The following WDR93 variants were observed in gnomAD, a reference collection of about 807,000 sequenced individuals.
The protein encoded by WDR93 is WD repeat domain 93.
WDR93 carries 73 observed loss-of-function variants against 82.9 expected under a neutral mutation model. The ratio of observed to expected loss-of-function variants is 0.88; its 90% CI spans 0.73 to 1.07. The LOEUF is 1.07. Among genes scored for constraint, WDR93 ranks in the 50% least tolerant of loss-of-function variants. The probability of loss-of-function intolerance (pLI) is 0.00; values close to 1 mark genes in which losing one functional copy is unlikely to be tolerated. For missense variants in WDR93, 738 were observed against 826.0 expected (o/e 0.89, Z 1.31); for synonymous variants, 283 against 300.1 (o/e 0.94, Z 0.59).
intron 5 of WDR93, among the ~76,000 whole-genome samples, chr15:89,713,480 GT>G (rs71151526): frequency 0.42 from 63,084 of 149,692 alleles, 13,659 homozygotes; most frequent in African/African-American, 0.48. Flanking sequence ...ATTTTATTTT[GT>G]TTTTTTTTTG....
chr15:89,702,956 A>G lies in WDR93; in HGVS notation c.310A>G (p.Lys104Glu). 1 of 1,613,550 alleles carries G rather than the reference A, an allele frequency of 6.2e-7. No homozygotes were observed. Among genetic ancestry groups the G allele is most frequent in the Non-Finnish European group, 8.5e-7 (1 of 1,179,890 alleles). ...TTTTTCTTTGTTTTCCCAGCTCAAC[A>G]AAATGCCAAATTGTATGGCTGTTTC... Reference protein sequence around the residue: ...YPPLGEIQLNKMPNCMAVSQD... With the variant: ...YPPLGEIQLNEMPNCMAVSQD... Residue 104 changes from lysine to glutamate, a missense_variant, in exon 3 of 17, where the codon AAA (lysine) becomes GAA (glutamate). Lys to Glu is a moderately conservative substitution (Grantham distance 56). Coordinates refer to ENST00000268130, the MANE Select transcript of WDR93 (RefSeq NM_020212.2).
chr15:89,735,746 G>A (rs1391715300), intron 14 of WDR93, among the ~76,000 whole-genome samples, 193 bp downstream of exon 14: 1 of 152,244 alleles, frequency 6.6e-6, no homozygotes, highest in South Asian at 2.1e-4. Context: ...GGAAGACAGA[G>A]AAGTCACCAG....
chr15:89,733,315 C>T (rs908775706), intron 13 of WDR93, 96 bp downstream of exon 13: 2 of 1,163,764 alleles, frequency 1.7e-6, no homozygotes, highest in Admixed American at 2.2e-5. Flanking sequence ...GACTACAGTC[C>T]ACCTTTTGTA....
In WDR93 at chr15:89,715,228, G is replaced by C. The variant is rs1156967376; in HGVS notation, c.756+133G>C. ...GAGGACAACAGGAATATTGGCCCCT[G>C]TCTCCCAAGTCAATTTCCTTTGGTT... On this transcript the variant is annotated intron_variant, in intron 6 of 16. Coordinates refer to ENST00000268130, the MANE Select transcript of WDR93 (RefSeq NM_020212.2). The C allele has an allele frequency of 1.3e-5, 9 of 669,530 alleles. No homozygotes were observed. In the African/African-American group the frequency reaches 1.4e-4, roughly 11 times the overall value. 41.5% of individuals were successfully genotyped at this position (669,530 alleles called of 1,614,324 possible). A position where few individuals can be genotyped will look rare whatever the true frequency, so the allele number is the denominator to read the frequency against.
rs772190130 is a variant in WDR93 at position 89,731,447 on chromosome 15, C to T, written c.1215C>T (p.Pro405=). ...GAGTATTGTCCTTCCCCCTAGACCC[C>T]GAGGGTGTGTGGCCCTGTGCTGCGC... The part of the protein sequence containing the change: ...LNRTLKDKAD[P]EGVWPCAAPI... Residue 405 remains proline, a synonymous_variant, in exon 12 of 17, where the codon CCC becomes CCT. Coordinates refer to ENST00000268130, the MANE Select transcript of WDR93 (RefSeq NM_020212.2). 4.9e-5 allele frequency: 79 copies of T among 1,614,088 alleles called. No homozygotes were observed. Among genetic ancestry groups the T allele is most frequent in the East Asian group, 8.9e-5 (4 of 44,874 alleles).
chr15:89,729,672 C>A lies in WDR93; in HGVS notation c.1124-11C>A, dbSNP rs766245995. 3.7e-6 allele frequency: 6 copies of A among 1,610,524 alleles called. No homozygotes were observed. Among genetic ancestry groups the A allele is most frequent in the African/African-American group, 1.3e-5 (1 of 74,816 alleles). On this transcript the variant is annotated splice_polypyrimidine_tract_variant and intron_variant, in intron 10 of 16. Transcript: ENST00000268130. Reference sequence around the variant, plus strand: ...CACCCATTTTCTGTCTTTCCCCCGCCCCCCCACCAGGAATGGCCTGTGTCC... The same window carrying A: ...CACCCATTTTCTGTCTTTCCCCCGCACCCCCACCAGGAATGGCCTGTGTCC...
intron 1 of WDR93, among the ~76,000 whole-genome samples, chr15:89,693,099 T>A (rs1964984259): frequency 6.6e-6 from 1 of 152,230 alleles, no homozygotes; most frequent in African/African-American, 2.4e-5. Flanking sequence ...TAATTCATTA[T>A]CCATTCACCC....
chr15:89,691,494 G>A (rs1964879825), intron 1 of WDR93, among the ~76,000 whole-genome samples: 2 of 152,218 alleles, frequency 1.3e-5, no homozygotes, highest in East Asian at 3.9e-4. Flanking sequence ...GAGGTGGGCG[G>A]ATCACCTGCG....
At chr15:89,701,324 G>A (rs979639296) in intron 1 of WDR93, among the ~76,000 whole-genome samples, 2 of 152,146 alleles carry the variant, frequency 1.3e-5, no homozygotes, top group Non-Finnish European at 2.9e-5. Context: ...GAGGAGAGTC[G>A]TGGCTCACTG....
intron 1 of WDR93, among the ~76,000 whole-genome samples, chr15:89,694,490 C>T (rs1239436899): frequency 6.6e-6 from 1 of 152,146 alleles, no homozygotes; most frequent in Non-Finnish European, 1.5e-5. Flanking sequence ...CCGCCTTGGC[C>T]TCCCAAAGTG....
chr15:89,737,876 G>A (rs1967336854), intron 15 of WDR93, 147 bp downstream of exon 15: 13 of 1,354,946 alleles, frequency 9.6e-6, no homozygotes, highest in Non-Finnish European at 1.3e-5. Flanking sequence ...TCCTCACAGG[G>A]CACTTAGATA....
At chr15:89,736,558 G>T (rs1967190402) in intron 14 of WDR93, among the ~76,000 whole-genome samples, 1 of 152,086 alleles carries the variant, frequency 6.6e-6, no homozygotes, top group Admixed American at 6.6e-5. Context: ...AAGTGACCGT[G>T]AGGGGCCCCA....
In WDR93 at chr15:89,722,004, C is replaced by T. The variant is rs374869760; in HGVS notation, c.796-51C>T. 40 of 1,213,574 alleles carry T rather than the reference C, an allele frequency of 3.3e-5. No individual in the cohort carries two copies. In the African/African-American group the frequency reaches 5.9e-4, roughly 18 times the overall value. The allele number at this position is 1,213,574 out of a possible 1,614,324, so 75.2% of individuals were successfully genotyped here. ...TTTAAAATTAGTATTTTTAATTATTCTATTTCCTCTCTTCTCTTGGCTTAT... is the reference window on the plus strand; with the variant it reads ...TTTAAAATTAGTATTTTTAATTATTTTATTTCCTCTCTTCTCTTGGCTTAT... On this transcript the variant is annotated intron_variant, in intron 7 of 16. Transcript: ENST00000268130.
intron 8 of WDR93, among the ~76,000 whole-genome samples, chr15:89,726,110 C>T (rs1966727954): frequency 1.3e-5 from 2 of 152,172 alleles, no homozygotes; most frequent in Non-Finnish European, 2.9e-5. Flanking sequence ...AATTCTCAAA[C>T]TTTAGCTGCA....
At chr15:89,710,389 C>T (rs1479584968) in intron 4 of WDR93, among the ~76,000 whole-genome samples, 1 of 152,102 alleles carries the variant, frequency 6.6e-6, no homozygotes, top group Non-Finnish European at 1.5e-5. Flanking sequence ...CGAAATTTAT[C>T]TGTGTTAGCG....
chr15:89,690,954 G>C (rs2141560558), intron 1 of WDR93, 97 bp downstream of exon 1: 1 of 243,268 alleles, frequency 4.1e-6, no homozygotes, highest in East Asian at 9.2e-5. Flanking sequence ...AGTCTGAGGG[G>C]GTCCGTCTCC....
intron 14 of WDR93, among the ~76,000 whole-genome samples, chr15:89,736,132 G>C (rs1224867603): frequency 2.6e-5 from 4 of 152,212 alleles, no homozygotes; most frequent in Non-Finnish European, 4.4e-5. Flanking sequence ...CAGAGAATGG[G>C]AACAGCATAT....
chr15:89,735,358 TG>T, intron 13 of WDR93, 131 bp from the exon 14 acceptor site: 1 of 768,228 alleles, frequency 1.3e-6, no homozygotes, highest in South Asian at 1.7e-5. Context: ...CTTAATTTTT[TG>T]CTACTATGAA....
chr15:89,733,102 A>T lies in WDR93; in HGVS notation c.1427A>T (p.Tyr476Phe), dbSNP rs141989547. 8.9e-5 allele frequency: 143 copies of T among 1,614,112 alleles called. No individual in the cohort carries two copies. The African/African-American group carries it at 1.7e-3, about 19-fold the overall frequency. ...TCGGTCCACAAAGGACAGAATATGT[A>T]TCCTGAAGGTCAAGTGAAATCCCAA... ...YFSVHKGQNM[Y>F]PEGQVKSQMK... Residue 476 changes from tyrosine to phenylalanine, a missense_variant, in exon 13 of 17, where the codon TAT becomes TTT. Coordinates refer to ENST00000268130, the MANE Select transcript of WDR93 (RefSeq NM_020212.2).
Sources: gnomAD v4.1 joint callset for allele counts (sites outside exome capture counted in the v4.1 genomes callset) on GRCh38, gnomAD v4.1.1 for gene constraint, MANE v1.5 for transcripts, NCBI Gene and HGNC (gene_info 2026-07-23, HGNC 2026-07-21) for gene names.